Variants in FOXP1 observed in about 807,000 individuals in gnomAD.
FOXP1 encodes forkhead box protein P1.
FOXP1 carries 15 observed loss-of-function variants against 98.2 expected under a neutral mutation model. The ratio of observed to expected loss-of-function variants is 0.15; its 90% CI spans 0.10 to 0.24. FOXP1 has a LOEUF of 0.24. Ranked by LOEUF, FOXP1 falls within the 10% of genes least tolerant of loss-of-function variation. FOXP1 has a pLI of 1.00. For synonymous variants in FOXP1, 371 were observed against 314.5 expected, an observed-to-expected ratio of 1.18 and a Z score of -1.90; for missense variants, 633 against 848.5, an observed-to-expected ratio of 0.75 and a Z score of 3.15.
intron 5 of FOXP1, among the ~76,000 whole-genome samples, chr3:71,231,400 A>T (rs2066274061): frequency 6.6e-6 from 1 of 152,198 alleles, no homozygotes; most frequent in Non-Finnish European, 1.5e-5. Context: ...TGATGCTACA[A>T]ATAAGACAGA....
chr3:71,421,607 T>TCAGAACC (rs569857095), intron 3 of FOXP1, among the ~76,000 whole-genome samples: 188 of 152,210 alleles, frequency 1.2e-3, no homozygotes, highest in Middle Eastern at 6.8e-3. Flanking sequence ...TATGCAAACA[T>TCAGAACC]CAGAACCCAG....
At chr3:71,000,725 C>T (rs2042011277) in intron 13 of FOXP1, among the ~76,000 whole-genome samples, 1 of 150,998 alleles carries the variant, frequency 6.6e-6, no homozygotes, top group Non-Finnish European at 1.5e-5. Context: ...ACACAGGTGC[C>T]CAGAATTTGG....
chr3:71,254,830 G>C (rs954294324), intron 5 of FOXP1, among the ~76,000 whole-genome samples: 2 of 152,138 alleles, frequency 1.3e-5, no homozygotes, highest in Non-Finnish European at 2.9e-5. Flanking sequence ...CTCTACTATA[G>C]GGTCAAACTC....
intron 4 of FOXP1, among the ~76,000 whole-genome samples, chr3:71,330,591 G>A (rs2107717747): frequency 6.6e-6 from 1 of 152,268 alleles, no homozygotes; most frequent in South Asian, 2.1e-4. Flanking sequence ...AGAATCTGTG[G>A]ACAAATTTAT....
intron 2 of FOXP1, among the ~76,000 whole-genome samples, chr3:71,566,396 T>A (rs1054480274): frequency 2.6e-5 from 4 of 152,168 alleles, no homozygotes; most frequent in African/African-American, 9.7e-5. Flanking sequence ...ACCAGACACC[T>A]TGCCAGGGAA....
chr3:71,437,659 C>G (rs2085491142), intron 3 of FOXP1, among the ~76,000 whole-genome samples: 2 of 152,144 alleles, frequency 1.3e-5, no homozygotes, highest in Non-Finnish European at 2.9e-5. Context: ...CATCCTCTCT[C>G]TCCACCCAGC....
At chr3:71,099,448 G>A (rs1213102332) in intron 7 of FOXP1, among the ~76,000 whole-genome samples, 1 of 152,148 alleles carries the variant, frequency 6.6e-6, no homozygotes, top group Non-Finnish European at 1.5e-5. Context: ...GGAGGCGGAG[G>A]TTGCAGTGAG....
chr3:71,465,789 T>C (rs2088651857), intron 3 of FOXP1, among the ~76,000 whole-genome samples: 1 of 152,058 alleles, frequency 6.6e-6, no homozygotes, highest in Non-Finnish European at 1.5e-5. Flanking sequence ...GCACAAGAAG[T>C]GAGCAGAGGG....
chr3:71,261,912 C>T (rs2069175300), intron 5 of FOXP1, among the ~76,000 whole-genome samples: 1 of 152,152 alleles, frequency 6.6e-6, no homozygotes, highest in East Asian at 1.9e-4. Flanking sequence ...GTCCTCCATA[C>T]AAGTCCTGAT....
intron 5 of FOXP1, among the ~76,000 whole-genome samples, chr3:71,199,289 G>C (rs1470081810): frequency 1.3e-5 from 2 of 151,658 alleles, no homozygotes; most frequent in East Asian, 4.0e-4. Flanking sequence ...ATTTTTAGTA[G>C]AGACAGGGTT....
chr3:71,410,292 T>G (rs1318812398), intron 3 of FOXP1, among the ~76,000 whole-genome samples: 1 of 152,234 alleles, frequency 6.6e-6, no homozygotes, highest in Non-Finnish European at 1.5e-5. Flanking sequence ...ATCAGAGATC[T>G]TTTGATATTT....
chr3:71,182,376 T>G (rs943122427), intron 6 of FOXP1, among the ~76,000 whole-genome samples: 9 of 152,142 alleles, frequency 5.9e-5, no homozygotes, highest in Non-Finnish European at 1.2e-4. Context: ...TTTTTATATA[T>G]CTCACAAGAG....
intron 6 of FOXP1, among the ~76,000 whole-genome samples, chr3:71,191,969 A>G (rs528879486): frequency 2.6e-5 from 4 of 152,338 alleles, no homozygotes; most frequent in Admixed American, 2.6e-4. Flanking sequence ...TTCCTTTAAA[A>G]TTACAGCTGG....
At chr3:71,180,176 C>T (rs2062201875) in intron 6 of FOXP1, among the ~76,000 whole-genome samples, 2 of 152,050 alleles carry the variant, frequency 1.3e-5, no homozygotes, top group African/African-American at 4.8e-5. Flanking sequence ...AAAAAAAACC[C>T]ACCTTTTTGT....
chr3:71,452,926 GA>G (rs1294896563), intron 3 of FOXP1, among the ~76,000 whole-genome samples: 1 of 152,054 alleles, frequency 6.6e-6, no homozygotes, highest in Non-Finnish European at 1.5e-5. Context: ...AGAAAAATCA[GA>G]AAATCCAACA....
chr3:71,364,020 C>T (rs907244244), intron 3 of FOXP1, among the ~76,000 whole-genome samples: 1 of 152,174 alleles, frequency 6.6e-6, no homozygotes, highest in Non-Finnish European at 1.5e-5. Flanking sequence ...TCCAGTCCCC[C>T]TCAACCAGCA....
At chr3:71,505,760 C>G (rs926920613) in intron 2 of FOXP1, among the ~76,000 whole-genome samples, 2 of 152,152 alleles carry the variant, frequency 1.3e-5, no homozygotes, top group Non-Finnish European at 2.9e-5. Context: ...CTCTCGGTCT[C>G]CCTTCAATTC....
intron 5 of FOXP1, among the ~76,000 whole-genome samples, chr3:71,261,585 A>G (rs1451229026): frequency 6.6e-6 from 1 of 152,334 alleles, no homozygotes; most frequent in African/African-American, 2.4e-5. Context: ...TACCCACAAT[A>G]AAAGAACACA....
At chr3:71,046,666 G>A (rs1274572740) in intron 10 of FOXP1, among the ~76,000 whole-genome samples, 2 of 152,172 alleles carry the variant, frequency 1.3e-5, no homozygotes, top group Non-Finnish European at 2.9e-5. Context: ...TGCTCAGTAA[G>A]TGAAAAGTAG....
Sources: allele counts gnomAD v4.1 joint callset (sites outside exome capture counted in the v4.1 genomes callset), GRCh38; gene constraint gnomAD v4.1.1; transcripts MANE v1.5; gene names NCBI Gene and HGNC (gene_info 2026-07-23, HGNC 2026-07-21).